The following TAX1BP3 variants were observed in gnomAD, a reference collection of about 807,000 sequenced individuals.
TAX1BP3 encodes Tax1 binding protein 3, also known as tax1-binding protein 3.
TAX1BP3 carries 13 observed loss-of-function variants against 15.3 expected under a neutral mutation model. The ratio of observed to expected loss-of-function variants is 0.85; its 90% CI spans 0.55 to 1.35. The LOEUF (loss-of-function observed/expected upper bound fraction) is 1.35, where lower values mean the gene tolerates loss of function less well. Ranked by LOEUF, TAX1BP3 falls within the 40% of genes most tolerant of loss-of-function variation. The pLI is 0.00. For missense variants in TAX1BP3, 147 were observed against 169.6 expected (o/e 0.87, Z 0.74); for synonymous variants, 70 against 66.0 (o/e 1.06, Z -0.30).
At chr17:3,665,088 G>A (rs2076324369) in intron 1 of TAX1BP3, 1 of 693,430 alleles carries the variant, frequency 1.4e-6, no homozygotes, top group East Asian at 2.7e-5. Context: ...GAGTCCAGGT[G>A]CTGTGGCTTC....
chr17:3,665,790 C>T, intron 1 of TAX1BP3: 1 of 645,516 alleles, frequency 1.5e-6, no homozygotes, highest in South Asian at 1.8e-5. Flanking sequence ...GGCTTGCCGG[C>T]CACGGGGACC....
Position 3,663,781 on chromosome 17 carries a change from C to T in TAX1BP3, c.342G>A (p.Leu114=). The T allele has an allele frequency of 1.9e-6, 3 of 1,605,506 alleles. No individual in the cohort carries two copies. The highest frequency in any genetic ancestry group is 2.5e-6 in the Non-Finnish European group (3 of 1,179,508). Residue 114 remains leucine (L), a synonymous_variant, in exon 4 of 4, where the codon CTG becomes CTA. Transcript: ENST00000225525. The stretch of plus-strand genomic sequence containing the variant: ...GCATGGACTGCTGCACGGCCTTCTG[C>T]AGCGACTGCCGCGTCACCAGCAGAC... The part of the protein sequence containing the change: ...VVRLLVTRQS[L]QKAVQQSMLS
At position 3,663,572 on chromosome 17, in the gene TAX1BP3, A is replaced by T; in HGVS notation, c.*176T>A. The T allele has an allele frequency of 1.1e-6, 1 of 926,998 alleles. No individual in the cohort carries two copies. The highest frequency in any genetic ancestry group is 1.5e-6 in the Non-Finnish European group (1 of 664,592). 57.4% of individuals were successfully genotyped at this position (926,998 alleles called of 1,614,324 possible). ...GTCCAGGAGAGAAAGCCGGTCCCAG[A>T]GGCCCCAGGCCAGGGATGGGAGAAG... On this transcript the variant is annotated 3_prime_UTR_variant, in exon 4 of 4. Coordinates refer to ENST00000225525, the MANE Select transcript of TAX1BP3 (RefSeq NM_014604.4).
At chr17:3,664,166 T>TA in intron 3 of TAX1BP3, 29 bp downstream of exon 3, 1 of 1,613,772 alleles carries the variant, frequency 6.2e-7, no homozygotes, top group South Asian at 1.1e-5. Context: ...GCCCAAACCT[T>TA]GTTTCTCCTC....
rs1414266695 is a variant in TAX1BP3 at position 3,668,277 on chromosome 17, G to A, written c.39+211C>T. ...GCGCACGCAGTCTGGGCTCTGTCCA[G>A]GGTCTCGGGAGGCTCTCGGGTCCCG... is the stretch of plus-strand genomic sequence containing the variant. On this transcript the variant is annotated intron_variant, in intron 1 of 3. Transcript: ENST00000225525. The surrounding 1 kb of genome is among the most constrained non-coding windows in gnomAD (Gnocchi z 4.1). Among the ~76,000 whole-genome samples the A allele has an allele frequency of 6.6e-6, 1 of 152,232 alleles. No homozygotes were observed. Among genetic ancestry groups the A allele is most frequent in the Non-Finnish European group, 1.5e-5 (1 of 68,040 alleles).
chr17:3,665,094 G>C, intron 1 of TAX1BP3: 1 of 698,734 alleles, frequency 1.4e-6, no homozygotes, highest in South Asian at 1.6e-5. Context: ...AGGTGCTGTG[G>C]CTTCTGTAGG....
chr17:3,665,370 G>C (rs1210872882), intron 1 of TAX1BP3: 1 of 1,381,266 alleles, frequency 7.2e-7, no homozygotes. Context: ...TGTTCAAAAA[G>C]GAATGCCCCA....
rs2076313196 is a variant in TAX1BP3, at chr17:3,664,189, T to A, written c.237+6A>T. The A allele has an allele frequency of 6.2e-7, 1 of 1,614,006 alleles. No individual in the cohort carries two copies. The highest frequency in any genetic ancestry group is 8.5e-7 in the Non-Finnish European group (1 of 1,180,036). ...CTTGTTTCTCCTCCTTTGGGACACC[T>A]GTTACCTGCATGATCTTGTCTCCAA... On this transcript the variant is annotated splice_donor_region_variant and intron_variant, in intron 3 of 3. Coordinates refer to ENST00000225525, the MANE Select transcript of TAX1BP3 (RefSeq NM_014604.4).
intron 2 of TAX1BP3, 174 bp downstream of exon 2, chr17:3,664,505 G>T: frequency 9.7e-7 from 1 of 1,034,432 alleles, no homozygotes; most frequent in Non-Finnish European, 1.4e-6. Flanking sequence ...TGTCTGAGCA[G>T]CCCTTCCTCA....
At chr17:3,665,382 A>G in intron 1 of TAX1BP3, 6 of 1,431,504 alleles carry the variant, frequency 4.2e-6, no homozygotes, top group Non-Finnish European at 4.9e-6. Context: ...AATGCCCCAC[A>G]AGGGTTACCA....
Position 3,668,519 on chromosome 17 carries a change from T to G in TAX1BP3, c.8A>C (p.Tyr3Ser). 1 of 1,608,394 alleles carries G rather than the reference T, an allele frequency of 6.2e-7. No homozygotes were observed. Among genetic ancestry groups the G allele is most frequent in the Non-Finnish European group, 8.5e-7 (1 of 1,178,398 alleles). MS[Y>S]IPGQPVTAVV... ...GGCGGTGACCGGCTGGCCCGGGATG[T>G]AGGACATCTCGACCCTGCTCTGGTC... Residue 3 changes from tyrosine to serine, a missense_variant, in exon 1 of 4, where the codon TAC (tyrosine) becomes TCC (serine). Coordinates refer to ENST00000225525, the MANE Select transcript of TAX1BP3 (RefSeq NM_014604.4). The surrounding 1 kb of genome is among the most constrained non-coding windows in gnomAD (Gnocchi z 4.1).
rs1228344889 is a variant in TAX1BP3, at chr17:3,668,264, TG to T, written c.39+223del. ...CCCTCCCCGCCCTGCGCACGCAGTCTGGGCTCTGTCCAGGGTCTCGGGAGGC... is the reference window on the plus strand; with the variant it reads ...CCCTCCCCGCCCTGCGCACGCAGTCTGGCTCTGTCCAGGGTCTCGGGAGGC... On this transcript the variant is annotated intron_variant, in intron 1 of 3. Coordinates refer to ENST00000225525, the MANE Select transcript of TAX1BP3 (RefSeq NM_014604.4). This position sits in a 1 kb window ranked among gnomAD's most constrained non-coding sequence, Gnocchi z 4.1. Among the ~76,000 whole-genome samples the T allele has an allele frequency of 6.6e-6, 1 of 152,106 alleles. No homozygotes were observed. Among genetic ancestry groups the T allele is most frequent in the African/African-American group, 2.4e-5 (1 of 41,430 alleles).
rs1029750552 is a variant in TAX1BP3, at chr17:3,668,034, C to T, written c.39+454G>A. Among the ~76,000 whole-genome samples the T allele has an allele frequency of 1.3e-5, 2 of 152,274 alleles. No homozygotes were observed. The highest frequency in any genetic ancestry group is 2.9e-5 in the Non-Finnish European group (2 of 68,046). On this transcript the variant is annotated intron_variant, in intron 1 of 3. Coordinates refer to ENST00000225525, the MANE Select transcript of TAX1BP3 (RefSeq NM_014604.4). The surrounding 1 kb of genome is among the most constrained non-coding windows in gnomAD (Gnocchi z 4.1). The stretch of plus-strand genomic sequence containing the variant: ...GACAGGAAGGGGGCAGGGGCTGCCA[C>T]GGCAGGCTCGGGAGAGCCCCACCCC...
rs147903760 is a variant in TAX1BP3 at position 3,667,054 on chromosome 17, C to A, written c.39+1434G>T. Among the ~76,000 whole-genome samples the A allele has an allele frequency of 5.8e-3, 889 of 152,200 alleles. 2 individuals carry two copies. Among genetic ancestry groups the A allele is most frequent in the Non-Finnish European group, 9.0e-3 (609 of 67,994 alleles). On this transcript the variant is annotated intron_variant, in intron 1 of 3. Coordinates refer to ENST00000225525, the MANE Select transcript of TAX1BP3 (RefSeq NM_014604.4). ...TGGGGCAGGTAGGGATCTAAAAAAG[C>A]CAGGCTGGGCCGGGTGTGGTGCCTC...
In TAX1BP3 at chr17:3,663,879, C is replaced by T. The variant is rs1334009441; in HGVS notation, c.244G>A (p.Gly82Ser). 15 of 1,607,682 alleles carry T rather than the reference C, an allele frequency of 9.3e-6. No individual in the cohort carries two copies. Among genetic ancestry groups the T allele is most frequent in the African/African-American group, 4.0e-5 (3 of 74,898 alleles). Residue 82 changes from glycine (G) to serine (S), a missense_variant, in exon 4 of 4, where the codon GGC (glycine) becomes AGC (serine). Physicochemically the swap from Gly to Ser is moderately conservative, Grantham distance 56. Coordinates refer to ENST00000225525, the MANE Select transcript of TAX1BP3 (RefSeq NM_014604.4). ...QIGDKIMQVN[G>S]WDMTMVTHDQ... ...TGTGTGACCATGGTCATGTCCCAGC[C>T]GTTCACCTGGCCCCAGGAGAGAACA...
chr17:3,663,638 C>T lies in TAX1BP3; in HGVS notation c.*110G>A. The T allele has an allele frequency of 6.8e-7, 1 of 1,460,124 alleles. No homozygotes were observed. Among genetic ancestry groups the T allele is most frequent in the South Asian group, 1.4e-5 (1 of 71,304 alleles). 90.4% of individuals were successfully genotyped at this position (1,460,124 alleles called of 1,614,324 possible). On this transcript the variant is annotated 3_prime_UTR_variant, in exon 4 of 4. Coordinates refer to ENST00000225525, the MANE Select transcript of TAX1BP3 (RefSeq NM_014604.4). ...CCAGGCCTCTGGGACCAGCTATAGCCCTTCTGAGCTGGGGCCCAGCGGTCA... is the reference window on the plus strand; with the variant it reads ...CCAGGCCTCTGGGACCAGCTATAGCTCTTCTGAGCTGGGGCCCAGCGGTCA...
Position 3,668,544 on chromosome 17 carries a change from C to T in TAX1BP3, c.-18G>A, listed in dbSNP as rs1426801192. Reference sequence around the variant, plus strand: ...TAGGACATCTCGACCCTGCTCTGGTCGCCCAGCGCCGCTCCGAGAAGCCGG... The same window carrying T: ...TAGGACATCTCGACCCTGCTCTGGTTGCCCAGCGCCGCTCCGAGAAGCCGG... On this transcript the variant is annotated 5_prime_UTR_variant, in exon 1 of 4. Transcript: ENST00000225525. The surrounding 1 kb of genome is among the most constrained non-coding windows in gnomAD (Gnocchi z 4.1). 1.9e-6 allele frequency: 3 copies of T among 1,596,068 alleles called. No individual in the cohort carries two copies. Among genetic ancestry groups the T allele is most frequent in the Non-Finnish European group, 2.6e-6 (3 of 1,173,072 alleles).
At chr17:3,666,338 G>T (rs924371213) in intron 1 of TAX1BP3, among the ~76,000 whole-genome samples, 3 of 152,180 alleles carry the variant, frequency 2.0e-5, no homozygotes, top group Non-Finnish European at 4.4e-5. Flanking sequence ...ATCAGTAGAG[G>T]AACGGACATC....
At position 3,664,198 on chromosome 17, in the gene TAX1BP3, C is replaced by A; in HGVS notation, c.234G>T (p.Met78Ile). ...CCTCCTTTGGGACACCTGTTACCTG[C>A]ATGATCTTGTCTCCAATCTGCAGCC... ...IAGLQIGDKIMQVNGWDMTMV... is the reference protein window; with the variant it reads ...IAGLQIGDKIIQVNGWDMTMV... Residue 78 changes from methionine (M) to isoleucine (I), a missense_variant, in exon 3 of 4, where the codon ATG becomes ATT. Physicochemically the swap from Met to Ile is conservative, Grantham distance 10. Coordinates refer to ENST00000225525, the MANE Select transcript of TAX1BP3 (RefSeq NM_014604.4). 1.2e-6 allele frequency: 2 copies of A among 1,614,146 alleles called. No homozygotes were observed. The highest frequency in any genetic ancestry group is 1.7e-6 in the Non-Finnish European group (2 of 1,180,030).
Sources: gnomAD v4.1 joint callset for allele counts (sites outside exome capture counted in the v4.1 genomes callset) on GRCh38, gnomAD v4.1.1 for gene constraint, Gnocchi (gnomAD v3.1) non-coding constraint, MANE v1.5 for transcripts, NCBI Gene and HGNC (gene_info 2026-07-23, HGNC 2026-07-21) for gene names.